CUL4A: variants seen among roughly 807,000 people sequenced by gnomAD.
The protein encoded by CUL4A is cullin 4A.
In CUL4A, 16 loss-of-function variants were observed where a neutral mutation model predicts 95.5. That is an observed-to-expected ratio of 0.17 (90% CI 0.11 to 0.25). CUL4A has a LOEUF of 0.25. Ranked by LOEUF, CUL4A falls within the 10% of genes least tolerant of loss-of-function variation. The pLI is 1.00. For missense variants in CUL4A, 610 were observed against 937.0 expected (o/e 0.65, Z 4.56); for synonymous variants, 380 against 353.1 (o/e 1.08, Z -0.85).
intron 7 of CUL4A, among the ~76,000 whole-genome samples, chr13:113,234,820 C>A (rs184357899): frequency 6.6e-6 from 1 of 152,094 alleles, no homozygotes; most frequent in South Asian, 2.1e-4. Context: ...TGCACAGGGA[C>A]GAAAGAGAAG....
chr13:113,234,130 C>G, intron 7 of CUL4A, 144 bp downstream of exon 7: 1 of 568,532 alleles, frequency 1.8e-6, no homozygotes, highest in Non-Finnish European at 3.1e-6. Flanking sequence ...GCCAGAATCC[C>G]CAGTAATGAG....
At chr13:113,258,647 A>G (rs921581534) in intron 18 of CUL4A, among the ~76,000 whole-genome samples, 9 of 152,220 alleles carry the variant, frequency 5.9e-5, no homozygotes, top group Non-Finnish European at 1.5e-5. Context: ...AATAAAGAAT[A>G]AGTCCTTGTT....
intron 5 of CUL4A, 43 bp downstream of exon 5, chr13:113,229,562 G>T: frequency 6.7e-7 from 1 of 1,496,580 alleles, no homozygotes; most frequent in Non-Finnish European, 9.3e-7. Flanking sequence ...CCCTGCAGCT[G>T]ATGCTTTTCG....
At chr13:113,255,480 AT>A (rs1050108239) in intron 18 of CUL4A, among the ~76,000 whole-genome samples, 51 of 152,252 alleles carry the variant, frequency 3.3e-4, no homozygotes, top group African/African-American at 1.2e-3. Context: ...GTCTGGGTAA[AT>A]GTATAATGTT....
intron 15 of CUL4A, 90 bp downstream of exon 15, chr13:113,246,153 GT>G: frequency 1.0e-6 from 1 of 970,024 alleles, no homozygotes; most frequent in Non-Finnish European, 1.6e-6. Flanking sequence ...TGAATGGGGA[GT>G]TTTTAAAAAT....
intron 8 of CUL4A, among the ~76,000 whole-genome samples, chr13:113,235,896 G>T (rs370405954): frequency 1.3e-5 from 2 of 151,884 alleles, no homozygotes; most frequent in African/African-American, 4.8e-5. Flanking sequence ...GCATGAGCCC[G>T]GGAGGCAGAG....
chr13:113,234,173 T>C (rs1165142529), intron 7 of CUL4A, among the ~76,000 whole-genome samples, 187 bp downstream of exon 7: 1 of 152,212 alleles, frequency 6.6e-6, no homozygotes, highest in Non-Finnish European at 1.5e-5. Context: ...ATTTAGTTTA[T>C]GTGAACTTAG....
chr13:113,256,719 A>G (rs1324609413), intron 18 of CUL4A, among the ~76,000 whole-genome samples: 2 of 152,182 alleles, frequency 1.3e-5, no homozygotes, highest in Non-Finnish European at 2.9e-5. Flanking sequence ...TGAGAATTAA[A>G]TGAATCGTTT....
chr13:113,233,536 A>G (rs1004801048), intron 6 of CUL4A, among the ~76,000 whole-genome samples, 197 bp downstream of exon 6: 3 of 152,188 alleles, frequency 2.0e-5, no homozygotes, highest in African/African-American at 7.2e-5. Context: ...AGATAGATCA[A>G]TATCACTACA....
chr13:113,208,824 TGCCGGGGCCCCGTCCTCTCAGCCGGGAC>T, upstream of CUL4A: 3 of 1,408,682 alleles, frequency 2.1e-6, no homozygotes, highest in Non-Finnish European at 2.8e-6. Context: ...GGGGTCTTTC[TGCCGGGGCCCCGTCCTCTCAGCCGGGAC>T]GCCAGCGGCT....
At chr13:113,231,032 C>G (rs541743712) in intron 5 of CUL4A, among the ~76,000 whole-genome samples, 28 of 152,302 alleles carry the variant, frequency 1.8e-4, no homozygotes, top group African/African-American at 6.7e-4. Context: ...CTCAGCCTCC[C>G]AAAGTGCTGG....
At chr13:113,247,972 G>A (rs1213240666) in intron 15 of CUL4A, among the ~76,000 whole-genome samples, 1 of 152,150 alleles carries the variant, frequency 6.6e-6, no homozygotes, top group Non-Finnish European at 1.5e-5. Flanking sequence ...GTAGGTTCAG[G>A]TTGGGCAGGT....
rs750499226 is a variant in CUL4A, at chr13:113,246,072, G to A, written c.1638+9G>A. 3 of 1,604,208 alleles carry A rather than the reference G, an allele frequency of 1.9e-6. No individual in the cohort carries two copies. Among genetic ancestry groups the A allele is most frequent in the Non-Finnish European group, 2.6e-6 (3 of 1,171,910 alleles). On this transcript the variant is annotated intron_variant, in intron 15 of 19. Transcript: ENST00000375440. ...TGCACTTAACCCCAGAAGTAAGTGT[G>A]CAGAAAGCATGCTGTCCGCTCCCGC... is the stretch of plus-strand genomic sequence containing the variant.
Position 113,209,714 on chromosome 13 carries a change from C to G in CUL4A, c.87C>G (p.Ala29=). The change falls in exon 1 of 20, where the codon GCC becomes GCG. Residue 29 remains alanine, a synonymous_variant. Coordinates refer to ENST00000375440, the MANE Select transcript of CUL4A (RefSeq NM_001008895.4). ...TCACCAAGCCCGCGGCCCTGGCCGC[C>G]GCGCCCGCCAAGCCGGGGGGCGCGG... The part of the protein sequence containing the change: ...NGLTKPAALA[A]APAKPGGAGG... 1 of 1,158,508 alleles carries G rather than the reference C, an allele frequency of 8.6e-7. No homozygotes were observed. The highest frequency in any genetic ancestry group is 1.1e-6 in the Non-Finnish European group (1 of 941,524). 71.8% of individuals were successfully genotyped at this position (1,158,508 alleles called of 1,614,324 possible). A position where few individuals can be genotyped will look rare whatever the true frequency, so the allele number is the denominator to read the frequency against.
chr13:113,234,567 C>G (rs2094808619), intron 7 of CUL4A, among the ~76,000 whole-genome samples: 2 of 152,202 alleles, frequency 1.3e-5, no homozygotes, highest in South Asian at 4.1e-4. Context: ...TGCAGCTACC[C>G]CAGCAGAGCC....
chr13:113,229,921 C>T (rs1026494703), intron 5 of CUL4A: 3 of 430,236 alleles, frequency 7.0e-6, no homozygotes, highest in African/African-American at 6.1e-5. Context: ...CTTGCTCAGC[C>T]TCCCGGCCTC....
intron 9 of CUL4A, among the ~76,000 whole-genome samples, chr13:113,238,764 A>C (rs930989016): frequency 1.3e-5 from 2 of 152,198 alleles, no homozygotes; most frequent in Non-Finnish European, 2.9e-5. Flanking sequence ...GTTTGTGTGA[A>C]CATCGTGCCC....
At chr13:113,236,071 C>T (rs765279455) in intron 8 of CUL4A, among the ~76,000 whole-genome samples, 6 of 151,556 alleles carry the variant, frequency 4.0e-5, no homozygotes, top group Non-Finnish European at 5.9e-5. Flanking sequence ...TAGGACTCAG[C>T]AGAGAAAACA....
intron 2 of CUL4A, among the ~76,000 whole-genome samples, chr13:113,210,674 A>G (rs1310108461): frequency 6.6e-6 from 1 of 152,236 alleles, no homozygotes; most frequent in East Asian, 1.9e-4. Flanking sequence ...TATTTTATTT[A>G]TAAGCGACTT....
Sources: allele counts gnomAD v4.1 joint callset (sites outside exome capture counted in the v4.1 genomes callset), GRCh38; gene constraint gnomAD v4.1.1; transcripts MANE v1.5; gene names NCBI Gene and HGNC (gene_info 2026-07-23, HGNC 2026-07-21).